DIAPH1: variants seen among roughly 807,000 people sequenced by gnomAD.
The protein encoded by DIAPH1 is protein diaphanous homolog 1.
DIAPH1 carries 46 observed loss-of-function variants against 140.7 expected under a neutral mutation model. The ratio of observed to expected loss-of-function variants is 0.33; its 90% confidence interval spans 0.26 to 0.42. The LOEUF (loss-of-function observed/expected upper bound fraction) is 0.42. Ranked by LOEUF, DIAPH1 falls within the 10% of genes least tolerant of loss-of-function variation. The probability of loss-of-function intolerance (pLI) is 1.00; values close to 1 mark genes in which losing one functional copy is unlikely to be tolerated. For missense variants in DIAPH1, 1,310 were observed against 1,558.7 expected, an observed-to-expected ratio of 0.84 and a Z score of 2.69; for synonymous variants, 565 against 551.6, an observed-to-expected ratio of 1.02 and a Z score of -0.34.
chr5:141,551,793 C>G (rs1290579163), intron 18 of DIAPH1, among the ~76,000 whole-genome samples: 1 of 152,162 alleles, frequency 6.6e-6, no homozygotes, highest in Admixed American at 6.5e-5. Flanking sequence ...ACACAATTAA[C>G]AGACAAGAAC....
chr5:141,519,424 A>G (rs1301940133), intron 27 of DIAPH1, among the ~76,000 whole-genome samples: 2 of 152,190 alleles, frequency 1.3e-5, no homozygotes, highest in Non-Finnish European at 2.9e-5. Flanking sequence ...ATATGTTGAA[A>G]TAACATCTGA....
intron 18 of DIAPH1, among the ~76,000 whole-genome samples, chr5:141,540,346 A>G (rs1490742428): frequency 1.3e-5 from 2 of 151,544 alleles, no homozygotes; most frequent in Non-Finnish European, 2.9e-5. Flanking sequence ...GAAGTGGCAC[A>G]ATCTCGGCTC....
In DIAPH1 at chr5:141,591,712, A is replaced by ATTTATATATATT. The variant is rs1554211013; in HGVS notation, c.118-3463_118-3462insAATATATATAAA. Among the ~76,000 whole-genome samples, 11 of 71,668 alleles carry ATTTATATATATT rather than the reference A, an allele frequency of 1.5e-4. 1 individual carries two copies. Among genetic ancestry groups the ATTTATATATATT allele is most frequent in the Admixed American group, 3.9e-4 (2 of 5,146 alleles). The allele number at this position is 71,668 out of a possible 152,430, so 47.0% of individuals were successfully genotyped here. On this transcript the variant is annotated intron_variant, in intron 1 of 27. Coordinates refer to ENST00000389054, the MANE Select transcript of DIAPH1 (RefSeq NM_005219.5). ...GAGATGGGGATATATATATATATAT[A>ATTTATATATATT]TATATATATATATATGAAGGAAGAT...
intron 5 of DIAPH1, 41 bp downstream of exon 5, chr5:141,583,444 A>G (rs775223155): frequency 2.5e-5 from 40 of 1,614,066 alleles, no homozygotes; most frequent in Middle Eastern, 3.3e-4. Context: ...GTGAAGTCCA[A>G]CATTTGGCTC....
At chr5:141,603,882 C>G (rs1427569929) in intron 1 of DIAPH1, among the ~76,000 whole-genome samples, 1 of 152,118 alleles carries the variant, frequency 6.6e-6, no homozygotes, top group Non-Finnish European at 1.5e-5. Flanking sequence ...CTCAGCTCAT[C>G]CTAAAGCCCT....
intron 18 of DIAPH1, among the ~76,000 whole-genome samples, chr5:141,546,023 T>C (rs2099890742): frequency 6.6e-6 from 1 of 152,196 alleles, no homozygotes. Flanking sequence ...AACAGAAATA[T>C]AATCTTGAAT....
chr5:141,531,452 A>G (rs1173754948), intron 19 of DIAPH1, among the ~76,000 whole-genome samples: 1 of 151,964 alleles, frequency 6.6e-6, no homozygotes, highest in Admixed American at 6.6e-5. Context: ...GGCTGGGACT[A>G]TAGGCATGCG....
chr5:141,593,537 T>C (rs968669603), intron 1 of DIAPH1, among the ~76,000 whole-genome samples: 1 of 152,186 alleles, frequency 6.6e-6, no homozygotes, highest in Non-Finnish European at 1.5e-5. Flanking sequence ...GCTTGTGACA[T>C]AGTCCAAGTA....
chr5:141,560,593 A>C (rs746235994), intron 18 of DIAPH1: 1 of 170,584 alleles, frequency 5.9e-6, no homozygotes, highest in African/African-American at 2.4e-5. Flanking sequence ...ATAGGTATTC[A>C]TAATTTAAGA....
chr5:141,613,531 C>G lies in DIAPH1; in HGVS notation c.117+5267G>C, dbSNP rs145018492. 3.8e-4 allele frequency among the ~76,000 whole-genome samples: 58 copies of G among 152,324 alleles called. No homozygotes were observed. The East Asian group carries it at 0.011, about 28-fold the overall frequency. On this transcript the variant is annotated intron_variant, in intron 1 of 27. Transcript: ENST00000389054. ...TTCCAACCTACAACTGCAGAAGTGA[C>G]TGTTGCACTGAGTGGGTGTTTGGAC...
In DIAPH1 at chr5:141,573,975, A is replaced by T; in HGVS notation, c.1875T>A (p.Val625=). The T allele has an allele frequency of 6.4e-7, 1 of 1,550,672 alleles. No homozygotes were observed. Reference sequence around the variant, plus strand: ...GTAAAGAAGGGGGTGAGGAGATGCAAACACCCCCAGGCAAAGGAGGTGGAG... The same window carrying T: ...GTAAAGAAGGGGGTGAGGAGATGCATACACCCCCAGGCAAAGGAGGTGGAG... ...PPPPPPLPGG[V]CISSPPSLPG... is the part of the protein sequence containing the mutation. Residue 625 remains valine (V), a synonymous_variant, in exon 16 of 28, where the codon GTT becomes GTA. Coordinates refer to ENST00000389054, the MANE Select transcript of DIAPH1 (RefSeq NM_005219.5).
At chr5:141,549,860 G>A (rs1473277243) in intron 18 of DIAPH1, among the ~76,000 whole-genome samples, 1 of 152,086 alleles carries the variant, frequency 6.6e-6, no homozygotes, top group Non-Finnish European at 1.5e-5. Flanking sequence ...TAAGACGGTA[G>A]ATTTAAACCT....
intron 18 of DIAPH1, among the ~76,000 whole-genome samples, chr5:141,539,473 T>C (rs1356414457): frequency 8.3e-5 from 12 of 144,582 alleles, no homozygotes; most frequent in African/African-American, 2.8e-4. Flanking sequence ...GGTTTCACCA[T>C]GTTGGCCAGG....
At chr5:141,578,764 T>A in intron 9 of DIAPH1, 139 bp from the exon 10 acceptor site, 1 of 722,358 alleles carries the variant, frequency 1.4e-6, no homozygotes, top group Admixed American at 2.1e-5. Flanking sequence ...TTTTCTACTA[T>A]AGCAATGAGA....
chr5:141,576,465 G>A (rs1447682372), intron 13 of DIAPH1, among the ~76,000 whole-genome samples, 171 bp from the exon 14 acceptor site: 1 of 152,184 alleles, frequency 6.6e-6, no homozygotes, highest in African/African-American at 2.4e-5. Flanking sequence ...TAATCTGAGT[G>A]TGCGGTAAGG....
intron 18 of DIAPH1, among the ~76,000 whole-genome samples, chr5:141,535,829 T>C (rs2099888922): frequency 6.6e-6 from 1 of 152,232 alleles, no homozygotes; most frequent in African/African-American, 2.4e-5. Context: ...CTGACAAAGC[T>C]AGCTGCCTCT....
chr5:141,560,714 G>C (rs959726196), intron 18 of DIAPH1: 30 of 364,868 alleles, frequency 8.2e-5, no homozygotes, highest in African/African-American at 5.5e-4. Flanking sequence ...GTAAACTGCA[G>C]AATTCTAAAC....
intron 16 of DIAPH1, 91 bp from the exon 17 acceptor site, chr5:141,572,131 G>T: frequency 1.1e-6 from 1 of 887,194 alleles, no homozygotes; most frequent in Non-Finnish European, 1.9e-6. Flanking sequence ...ATAGGTGGCT[G>T]GCTGATTATC....
rs113373216 is a variant in DIAPH1 at position 141,524,074 on chromosome 5, G to A, written c.3661+69C>T. The A allele has an allele frequency of 5.2e-3, 6,971 of 1,332,178 alleles. 65 individuals are homozygous for A. The highest frequency in any genetic ancestry group is 0.034 in the African/African-American group (2,372 of 69,522). 82.5% of individuals were successfully genotyped at this position (1,332,178 alleles called of 1,614,324 possible). On this transcript the variant is annotated intron_variant, in intron 27 of 27. Transcript: ENST00000389054. ...GAGCATCATTATTTGCTCTTTAGCC[G>A]CAGACTGGCAGGAGTAGAGAGCCCT...
Sources: gnomAD v4.1 joint callset for allele counts (sites outside exome capture counted in the v4.1 genomes callset) on GRCh38, gnomAD v4.1.1 for gene constraint, MANE v1.5 for transcripts, NCBI Gene and HGNC (gene_info 2026-07-23, HGNC 2026-07-21) for gene names.